The following PPP2CA variants were observed in gnomAD, a reference collection of about 807,000 sequenced individuals.
PPP2CA encodes the protein serine/threonine-protein phosphatase 2A catalytic subunit alpha isoform.
A neutral mutation model predicts 38.8 loss-of-function variants in PPP2CA; 5 were observed. The ratio of observed to expected loss-of-function variants is 0.13; its 90% CI spans 0.07 to 0.27. The LOEUF (loss-of-function observed/expected upper bound fraction) is 0.27. Ranked by LOEUF, PPP2CA falls within the 10% of genes least tolerant of loss-of-function variation. The pLI is 1.00. For missense variants in PPP2CA, 88 were observed against 389.7 expected (o/e 0.23, Z 6.52); for synonymous variants, 152 against 134.0 (o/e 1.13, Z -0.93).
At chr5:134,198,236 CA>C (rs1349804839) in intron 6 of PPP2CA, among the ~76,000 whole-genome samples, 1 of 150,906 alleles carries the variant, frequency 6.6e-6, no homozygotes, top group Admixed American at 6.6e-5. Flanking sequence ...TAAAAAAATA[CA>C]AAAAAATTAG....
intron 1 of PPP2CA, among the ~76,000 whole-genome samples, chr5:134,210,746 T>C (rs254046): frequency 0.74 from 112,259 of 151,996 alleles, 41,967 homozygotes; most frequent in Non-Finnish European, 0.82. Context: ...GGCAGGGGCA[T>C]CACTTGAACC....
chr5:134,221,651 G>A (rs1762445429), intron 1 of PPP2CA, among the ~76,000 whole-genome samples: 1 of 152,100 alleles, frequency 6.6e-6, no homozygotes, highest in African/African-American at 2.4e-5. Context: ...AACATGAATA[G>A]GAAGCTTTCA....
In PPP2CA at chr5:134,200,318, CAG is replaced by C; in HGVS notation, c.738+15_738+16del. 1.3e-6 allele frequency: 2 copies of C among 1,573,634 alleles called. No homozygotes were observed. The highest frequency in any genetic ancestry group is 3.4e-4 in the Middle Eastern group (2 of 5,886). On this transcript the variant is annotated intron_variant, in intron 5 of 6. Transcript: ENST00000481195. ...TTTACTAAAAAAACAAGTCATATTT[CAG>C]AGAACACAGCATACCTCCATCACTA... is the stretch of plus-strand genomic sequence containing the variant.
chr5:134,201,054 A>C lies in PPP2CA; in HGVS notation c.507T>G (p.Gly169=). 1 of 1,612,414 alleles carries C rather than the reference A, an allele frequency of 6.2e-7. No individual in the cohort carries two copies. Among genetic ancestry groups the C allele is most frequent in the Non-Finnish European group, 8.5e-7 (1 of 1,178,410 alleles). Residue 169 remains glycine, a synonymous_variant, in exon 4 of 7, where the codon GGT becomes GGG. Coordinates refer to ENST00000481195, the MANE Select transcript of PPP2CA (RefSeq NM_002715.4). ...VDGQIFCLHG[G]LSPSIDTLDH... The stretch of plus-strand genomic sequence containing the variant: ...CCAGTGTATCTATAGATGGCGAGAG[A>C]CCACCATGTAGACAGAAGATCTGAA...
intron 1 of PPP2CA, among the ~76,000 whole-genome samples, chr5:134,221,924 C>T (rs1283895005): frequency 2.0e-5 from 3 of 148,330 alleles, no homozygotes; most frequent in Non-Finnish European, 3.0e-5. Context: ...GCCGAGATTG[C>T]GCCACTGCAC....
intron 1 of PPP2CA, among the ~76,000 whole-genome samples, chr5:134,215,670 C>T (rs1198644833): frequency 6.6e-6 from 1 of 152,154 alleles, no homozygotes; most frequent in Non-Finnish European, 1.5e-5. Context: ...AACTCCCGGG[C>T]TCAAGATATC....
chr5:134,200,580 T>A, intron 4 of PPP2CA, 84 bp from the exon 5 acceptor site: 1 of 1,433,764 alleles, frequency 7.0e-7, no homozygotes, highest in South Asian at 1.3e-5. Flanking sequence ...AGCAGCACCC[T>A]AAGCCACCCT....
At chr5:134,201,778 C>G in intron 3 of PPP2CA, 70 bp downstream of exon 3, 3 of 1,491,246 alleles carry the variant, frequency 2.0e-6, no homozygotes, top group African/African-American at 1.4e-5. Flanking sequence ...TGGAAAGAGT[C>G]ATAAGCACCT....
chr5:134,211,874 A>G (rs1409175999), intron 1 of PPP2CA, among the ~76,000 whole-genome samples: 5 of 152,016 alleles, frequency 3.3e-5, no homozygotes, highest in Non-Finnish European at 7.4e-5. Context: ...TCCTAGCACT[A>G]TGGGATGCCA....
intron 6 of PPP2CA, among the ~76,000 whole-genome samples, chr5:134,198,383 A>G (rs1435033675): frequency 1.6e-5 from 2 of 125,730 alleles, no homozygotes. Context: ...ACAGAGTGAG[A>G]CTCCGTCTCA....
At chr5:134,208,466 A>G (rs1246872632) in intron 1 of PPP2CA, among the ~76,000 whole-genome samples, 3 of 152,232 alleles carry the variant, frequency 2.0e-5, no homozygotes, top group Non-Finnish European at 4.4e-5. Flanking sequence ...CACAGATAAA[A>G]TGAAATGTTC....
At position 134,225,943 on chromosome 5, in the gene PPP2CA, C is replaced by T; in HGVS notation, c.-82G>A. On this transcript the variant is annotated 5_prime_UTR_variant, in exon 1 of 7. Coordinates refer to ENST00000481195, the MANE Select transcript of PPP2CA (RefSeq NM_002715.4). ...ACACGGGCCTACACGCACACGCCGC[C>T]GCCGGTTCCTCGTGTACTTCTGGCG... 3 of 1,306,454 alleles carry T rather than the reference C, an allele frequency of 2.3e-6. No individual in the cohort carries two copies. The highest frequency in any genetic ancestry group is 1.5e-5 in the African/African-American group (1 of 67,132). 80.9% of individuals were successfully genotyped at this position (1,306,454 alleles called of 1,614,324 possible).
Position 134,197,572 on chromosome 5 carries a change from G to A in PPP2CA, c.*200C>T. The A allele has an allele frequency of 1.8e-6, 1 of 547,732 alleles. No individual in the cohort carries two copies. Among genetic ancestry groups the A allele is most frequent in the Non-Finnish European group, 3.3e-6 (1 of 304,268 alleles). 33.9% of individuals were successfully genotyped at this position (547,732 alleles called of 1,614,324 possible). A position where few individuals can be genotyped will look rare whatever the true frequency, so the allele number is the denominator to read the frequency against. On this transcript the variant is annotated 3_prime_UTR_variant, in exon 7 of 7. Coordinates refer to ENST00000481195, the MANE Select transcript of PPP2CA (RefSeq NM_002715.4). ...CAACAATGTCGCTTCAGCATGCAAT[G>A]AACTGGTTCATTCTAAAGTGGTCAC...
intron 1 of PPP2CA, among the ~76,000 whole-genome samples, chr5:134,217,842 C>A (rs1762354109): frequency 6.6e-6 from 1 of 152,196 alleles, no homozygotes; most frequent in Non-Finnish European, 1.5e-5. Context: ...TTACACAAAT[C>A]TAGATAGTAT....
At chr5:134,220,925 G>C (rs548254064) in intron 1 of PPP2CA, among the ~76,000 whole-genome samples, 19 of 152,258 alleles carry the variant, frequency 1.2e-4, no homozygotes, top group African/African-American at 4.6e-4. Flanking sequence ...TACAATTCTG[G>C]TCCCAGTGGA....
rs1200838167 is a variant in PPP2CA at position 134,196,121 on chromosome 5, T to G, written c.*1651A>C. 1 of 152,222 alleles carries G rather than the reference T, an allele frequency of 6.6e-6. No individual in the cohort carries two copies. The highest frequency in any genetic ancestry group is 1.5e-5 in the Non-Finnish European group (1 of 68,042). The allele number at this position is 152,222 out of a possible 1,614,324, so 9.4% of individuals were successfully genotyped here. ...GAAATGTAGAAACCCTAATGGCCTTTTGCTTTGGAAAATTAACTCCACAAG... is the reference window on the plus strand; with the variant it reads ...GAAATGTAGAAACCCTAATGGCCTTGTGCTTTGGAAAATTAACTCCACAAG... On this transcript the variant is annotated 3_prime_UTR_variant, in exon 7 of 7. Transcript: ENST00000481195.
In PPP2CA at chr5:134,197,591, T is replaced by C. The variant is rs1403225264; in HGVS notation, c.*181A>G. 3 of 581,170 alleles carry C rather than the reference T, an allele frequency of 5.2e-6. No homozygotes were observed. Among genetic ancestry groups the C allele is most frequent in the South Asian group, 2.2e-5 (1 of 45,000 alleles). 36.0% of individuals were successfully genotyped at this position (581,170 alleles called of 1,614,324 possible). A position where few individuals can be genotyped will look rare whatever the true frequency, so the allele number is the denominator to read the frequency against. On this transcript the variant is annotated 3_prime_UTR_variant, in exon 7 of 7. Transcript: ENST00000481195. Reference sequence around the variant, plus strand: ...TGCAATGAACTGGTTCATTCTAAAGTGGTCACGGCTGTTGATGACAAGAGG... The same window carrying C: ...TGCAATGAACTGGTTCATTCTAAAGCGGTCACGGCTGTTGATGACAAGAGG...
chr5:134,210,392 A>G lies in PPP2CA; in HGVS notation c.103-4261T>C, dbSNP rs957468510. Among the ~76,000 whole-genome samples the G allele has an allele frequency of 7.9e-5, 12 of 152,318 alleles. No homozygotes were observed. The East Asian group carries it at 2.1e-3, about 27-fold the overall frequency. On this transcript the variant is annotated intron_variant, in intron 1 of 6. Coordinates refer to ENST00000481195, the MANE Select transcript of PPP2CA (RefSeq NM_002715.4). ...TTTACTCTGGCATTTTGACTTCTGT[A>G]AAGTCTCATATCACCTGAATTAAGA...
At chr5:134,218,968 C>G (rs946542937) in intron 1 of PPP2CA, among the ~76,000 whole-genome samples, 1 of 152,172 alleles carries the variant, frequency 6.6e-6, no homozygotes, top group African/African-American at 2.4e-5. Flanking sequence ...TGTGCCCCGC[C>G]AGCCTAGATG....
Sources: gnomAD v4.1 joint callset for allele counts (sites outside exome capture counted in the v4.1 genomes callset) on GRCh38, gnomAD v4.1.1 for gene constraint, MANE v1.5 for transcripts, NCBI Gene and HGNC (gene_info 2026-07-23, HGNC 2026-07-21) for gene names.